The following WDR13 variants were observed in gnomAD, a reference collection of about 807,000 sequenced individuals.
WDR13 encodes WD repeat domain 13.
In WDR13, 1 loss-of-function variant was observed where a neutral mutation model predicts 28.6. The ratio of observed to expected loss-of-function variants is 0.03; its 90% confidence interval spans 0.01 to 0.17. The LOEUF is 0.17. Among genes scored for constraint, WDR13 ranks in the 10% least tolerant of loss-of-function variants. The probability of loss-of-function intolerance (pLI) is 1.00; values close to 1 mark genes in which losing one functional copy is unlikely to be tolerated. For synonymous variants in WDR13, 201 were observed against 185.9 expected (o/e 1.08, Z -0.66); for missense variants, 264 against 469.3 (o/e 0.56, Z 4.04).
rs1556996191 is a variant in WDR13 at position 48,607,339 on chromosome X, G to C, written c.*2307G>C. Reference sequence around the variant, plus strand: ...AGCTCAATTAGAGACTCAGCACCCAGAGGTTTTTTTTGTTGTTGTTGTTGT... The same window carrying C: ...AGCTCAATTAGAGACTCAGCACCCACAGGTTTTTTTTGTTGTTGTTGTTGT... On this transcript the variant is annotated 3_prime_UTR_variant, in exon 10 of 10. Coordinates refer to ENST00000376729, the MANE Select transcript of WDR13 (RefSeq NM_001347217.2). The C allele has an allele frequency of 1.2e-5, 1 of 83,708 alleles. No homozygotes were observed. The highest frequency in any genetic ancestry group is 1.8e-4 in the Admixed American group (1 of 5,646). The allele number at this position is 83,708 out of a possible 1,213,427, so 6.9% of individuals were successfully genotyped here.
chrX:48,598,189 G>A, intron 2 of WDR13, 152 bp downstream of exon 2: 1 of 1,131,766 alleles, frequency 8.8e-7, no homozygotes, highest in Admixed American at 3.5e-5. Context: ...GCACGCCCGC[G>A]GTGAGTTGGC....
At position 48,605,048 on chromosome X, in the gene WDR13, G is replaced by C. The variant is rs1252621504; in HGVS notation, c.*16G>C. On this transcript the variant is annotated 3_prime_UTR_variant, in exon 10 of 10. Transcript: ENST00000376729. ...GCAGAAGTAGGGTCCTGTCGGCCCT[G>C]CTGCTGTCCTCCATCCCACCCCTCT... 1 of 1,192,593 alleles carries C rather than the reference G, an allele frequency of 8.4e-7. No individual in the cohort carries two copies. Among genetic ancestry groups the C allele is most frequent in the Non-Finnish European group, 1.1e-6 (1 of 881,374 alleles).
chrX:48,598,714 C>T lies in WDR13; in HGVS notation c.42-3C>T, dbSNP rs868930901. On this transcript the variant is annotated splice_polypyrimidine_tract_variant and splice_region_variant and intron_variant, in intron 2 of 9. Transcript: ENST00000376729. ...CTGCCTGCCCTGCATCCTGACCCTGCAGGTACAACGCGTACCGCACACCAA... is the reference window on the plus strand; with the variant it reads ...CTGCCTGCCCTGCATCCTGACCCTGTAGGTACAACGCGTACCGCACACCAA... 4 of 1,092,821 alleles carry T rather than the reference C, an allele frequency of 3.7e-6. No individual in the cohort carries two copies. The Middle Eastern group carries it at 1.1e-3, about 306-fold the overall frequency. 90.1% of individuals were successfully genotyped at this position (1,092,821 alleles called of 1,213,427 possible).
chrX:48,603,475 C>T (rs1602149263), intron 8 of WDR13, among the ~76,000 whole-genome samples: 1 of 111,754 alleles, frequency 8.9e-6, no homozygotes, highest in East Asian at 2.8e-4. Context: ...TGGTGAATCC[C>T]CGTCTCTACT....
At position 48,605,066 on chromosome X, in the gene WDR13, A is replaced by T. The variant is rs782117938; in HGVS notation, c.*34A>T. On this transcript the variant is annotated 3_prime_UTR_variant, in exon 10 of 10. Coordinates refer to ENST00000376729, the MANE Select transcript of WDR13 (RefSeq NM_001347217.2). ...CGGCCCTGCTGCTGTCCTCCATCCC[A>T]CCCCTCTTACTCCAGCCTCGTGTTG... 8.6e-7 allele frequency: 1 copy of T among 1,167,273 alleles called. No individual in the cohort carries two copies. Among genetic ancestry groups the T allele is most frequent in the Non-Finnish European group, 1.2e-6 (1 of 867,444 alleles).
At chrX:48,603,616 C>T (rs1405936779) in intron 8 of WDR13, among the ~76,000 whole-genome samples, 1 of 111,405 alleles carries the variant, frequency 9.0e-6, no homozygotes, top group Non-Finnish European at 1.9e-5. Flanking sequence ...CCATTGCACT[C>T]CAGCCTGGGT....
chrX:48,598,626 A>T, intron 2 of WDR13, 91 bp from the exon 3 acceptor site: 1 of 1,088,251 alleles, frequency 9.2e-7, no homozygotes. Context: ...TCACTGCCAC[A>T]CACCTCACTC....
chrX:48,602,961 A>ATCTTTCCACATATCCTTC (rs781905490), intron 8 of WDR13, among the ~76,000 whole-genome samples: 1,302 of 111,038 alleles, frequency 0.012, 13 homozygotes, highest in Non-Finnish European at 0.02. Flanking sequence ...AATGATCCAC[A>ATCTTTCCACATATCCTTC]TCTTTCCACA....
chrX:48,598,357 C>A (rs782555621), intron 2 of WDR13: 75 of 1,016,532 alleles, frequency 7.4e-5, no homozygotes, highest in Non-Finnish European at 1.5e-5. Context: ...ATCATCACTT[C>A]CCCATTCTGA....
intron 7 of WDR13, 37 bp downstream of exon 7, chrX:48,602,001 C>T: frequency 1.7e-6 from 2 of 1,194,853 alleles, no homozygotes; most frequent in South Asian, 3.6e-5. Flanking sequence ...GGTGCTCGCC[C>T]TCCAGCCCTC....
Position 48,601,804 on chromosome X carries a change from C to A in WDR13, c.852C>A (p.Asn284Lys). The A allele has an allele frequency of 8.5e-7, 1 of 1,177,380 alleles. No homozygotes were observed. The highest frequency in any genetic ancestry group is 1.9e-5 in the South Asian group (1 of 52,152). Residue 284 changes from asparagine (N) to lysine (K), a missense_variant, in exon 7 of 10, where the codon AAC becomes AAA. By Grantham distance (94) the Asn-to-Lys change is moderately conservative. This residue lies in a region of WDR13 where 157 missense variants were observed against 270.2 expected (regional missense o/e 0.58). Transcript: ENST00000376729. Reference protein sequence around the residue: ...NLTVVGNAKHNVHVMNISTGK... With the variant: ...NLTVVGNAKHKVHVMNISTGK... ...CACAGGTGGGGAACGCCAAGCACAA[C>A]GTGCATGTCATGAACATCTCCACAG... is the stretch of plus-strand genomic sequence containing the variant.
At chrX:48,600,777 C>A in intron 6 of WDR13, 151 bp downstream of exon 6, 1 of 655,196 alleles carries the variant, frequency 1.5e-6, no homozygotes, top group Non-Finnish European at 2.2e-6. Flanking sequence ...CTAGTGTGGT[C>A]AGACTTAAAA....
At chrX:48,600,205 C>A in intron 5 of WDR13, 114 bp from the exon 6 acceptor site, 1 of 779,812 alleles carries the variant, frequency 1.3e-6, no homozygotes. Flanking sequence ...TTGCTGAGGC[C>A]ACTGTTCCTC....
chrX:48,600,139 C>G (rs1324149774), intron 5 of WDR13, 180 bp from the exon 6 acceptor site: 3 of 469,862 alleles, frequency 6.4e-6, no homozygotes, highest in Non-Finnish European at 1.0e-5. Flanking sequence ...ACTTAGGGAG[C>G]TTTGGCAGAG....
In WDR13 at chrX:48,607,391, G is replaced by GGTT. The variant is rs1229401348; in HGVS notation, c.*2360_*2361insTTG. ...TTGGTTTTTTTTTGGCGGGGGGGGG[G>GGTT]GGGTCTTGCTCTGACGCCCAGGCTG... On this transcript the variant is annotated 3_prime_UTR_variant, in exon 10 of 10. Transcript: ENST00000376729. 1 of 62,634 alleles carries GGTT rather than the reference G, an allele frequency of 1.6e-5. No homozygotes were observed. Among genetic ancestry groups the GGTT allele is most frequent in the Non-Finnish European group, 3.4e-5 (1 of 29,523 alleles). The allele number at this position is 62,634 out of a possible 1,213,427, so 5.2% of individuals were successfully genotyped here. A position where few individuals can be genotyped will look rare whatever the true frequency, so the allele number is the denominator to read the frequency against.
chrX:48,607,233 C>G lies in WDR13; in HGVS notation c.*2201C>G, dbSNP rs1284202012. 1 of 111,172 alleles carries G rather than the reference C, an allele frequency of 9.0e-6. No individual in the cohort carries two copies. Among genetic ancestry groups the G allele is most frequent in the Non-Finnish European group, 1.9e-5 (1 of 53,054 alleles). 9.2% of individuals were successfully genotyped at this position (111,172 alleles called of 1,213,427 possible). ...CCAGGCACAAGTTTCCAGGGCTTCTCTCTCATTGGAGTCACACAAGATGTG... is the reference window on the plus strand; with the variant it reads ...CCAGGCACAAGTTTCCAGGGCTTCTGTCTCATTGGAGTCACACAAGATGTG... On this transcript the variant is annotated 3_prime_UTR_variant, in exon 10 of 10. Transcript: ENST00000376729.
chrX:48,604,488 A>T, intron 9 of WDR13, 98 bp downstream of exon 9: 1 of 728,339 alleles, frequency 1.4e-6, no homozygotes, highest in Admixed American at 2.8e-5. Flanking sequence ...CGATGCCCTG[A>T]CTTCCTGGAC....
intron 8 of WDR13, chrX:48,604,053 C>G: frequency 2.7e-6 from 1 of 373,569 alleles, no homozygotes; most frequent in East Asian, 4.5e-5. Context: ...GCGGGAGGAT[C>G]ACTTGAGCCT....
Position 48,605,319 on chromosome X carries a change from T to C in WDR13, c.*287T>C. 1 of 336,757 alleles carries C rather than the reference T, an allele frequency of 3.0e-6. No individual in the cohort carries two copies. Among genetic ancestry groups the C allele is most frequent in the East Asian group, 4.9e-5 (1 of 20,499 alleles). 27.8% of individuals were successfully genotyped at this position (336,757 alleles called of 1,213,427 possible). A position where few individuals can be genotyped will look rare whatever the true frequency, so the allele number is the denominator to read the frequency against. On this transcript the variant is annotated 3_prime_UTR_variant, in exon 10 of 10. Coordinates refer to ENST00000376729, the MANE Select transcript of WDR13 (RefSeq NM_001347217.2). ...TACACACTTATGCATTCGATAGACA[T>C]TAGTGAGCCCTGACCGTGTGCCAGG...
Sources: allele counts gnomAD v4.1 joint callset (sites outside exome capture counted in the v4.1 genomes callset), GRCh38; gene constraint gnomAD v4.1.1; regional missense constraint gnomAD v4.1.1; transcripts MANE v1.5; gene names NCBI Gene and HGNC (gene_info 2026-07-23, HGNC 2026-07-21).